Variants in GAS2 observed in about 807,000 individuals in gnomAD.
GAS2 encodes the protein growth arrest-specific protein 2.
GAS2 carries 20 observed loss-of-function variants against 37.5 expected under a neutral mutation model. The observed-to-expected ratio is 0.53, with a 90% CI of 0.37 to 0.77. The LOEUF (loss-of-function observed/expected upper bound fraction) is 0.77, where lower values mean the gene tolerates loss of function less well. GAS2 is among the 30% of genes least tolerant of loss of function. The probability of loss-of-function intolerance (pLI) is 0.00; values close to 1 mark genes in which losing one functional copy is unlikely to be tolerated. For synonymous variants in GAS2, 144 were observed against 132.2 expected, an observed-to-expected ratio of 1.09 and a Z score of -0.61; for missense variants, 336 against 373.4, an observed-to-expected ratio of 0.90 and a Z score of 0.82.
At chr11:22,738,983 C>T (rs745585926) in intron 5 of GAS2, among the ~76,000 whole-genome samples, 3 of 152,176 alleles carry the variant, frequency 2.0e-5, no homozygotes, top group Non-Finnish European at 4.4e-5. Flanking sequence ...ATTTACCCCA[C>T]ACTCTTCCCA....
chr11:22,759,939 A>G (rs1395486800), intron 7 of GAS2, among the ~76,000 whole-genome samples: 3 of 152,106 alleles, frequency 2.0e-5, no homozygotes, highest in African/African-American at 7.2e-5. Context: ...TCTTAGATGC[A>G]ATAATAATGT....
At position 22,655,065 on chromosome 11, in the gene GAS2, CCT is replaced by C. The variant is rs3830401; in HGVS notation, c.-20-19775_-20-19774del. Among the ~76,000 whole-genome samples the C allele has an allele frequency of 1.6e-4, 24 of 152,190 alleles. No homozygotes were observed. In the East Asian group the frequency reaches 4.6e-3, roughly 29 times the overall value. On this transcript the variant is annotated intron_variant, in intron 1 of 5. Transcript: ENST00000528582. Reference sequence around the variant, plus strand: ...ACCACCTTAAACCTGATCAGAGCCTCCTCTCTCTCTCCCTACTGCCCTTCATG... The same window carrying C: ...ACCACCTTAAACCTGATCAGAGCCTCCTCTCTCTCCCTACTGCCCTTCATG...
intron 5 of GAS2, 71 bp downstream of exon 5, chr11:22,737,839 G>A (rs1215444840): frequency 2.0e-5 from 27 of 1,360,428 alleles, no homozygotes; most frequent in Non-Finnish European, 2.6e-5. Context: ...GAAGCTTGCT[G>A]GCTTTTCATT....
At chr11:22,692,394 C>T (rs1850289442) in intron 3 of GAS2, among the ~76,000 whole-genome samples, 1 of 152,078 alleles carries the variant, frequency 6.6e-6, no homozygotes, top group African/African-American at 2.4e-5. Context: ...ATGACATGTG[C>T]CCAAGGTGGT....
intron 7 of GAS2, among the ~76,000 whole-genome samples, chr11:22,795,724 C>G (rs1856396626): frequency 6.6e-6 from 1 of 152,052 alleles, no homozygotes. Context: ...AGTTTACACC[C>G]AGGGAAATGG....
intron 2 of GAS2, among the ~76,000 whole-genome samples, chr11:22,685,087 C>T (rs768401187): frequency 4.6e-5 from 7 of 152,052 alleles, no homozygotes; most frequent in Non-Finnish European, 1.0e-4. Flanking sequence ...ATTGCTTGAG[C>T]CCAAGGAGCT....
chr11:22,716,481 A>G (rs371190679), intron 3 of GAS2, among the ~76,000 whole-genome samples: 1 of 151,986 alleles, frequency 6.6e-6, no homozygotes, highest in South Asian at 2.1e-4. Context: ...CTCAACTAAA[A>G]ATTCAAAATT....
chr11:22,691,490 G>A (rs1305463755), intron 3 of GAS2, among the ~76,000 whole-genome samples: 3 of 152,132 alleles, frequency 2.0e-5, no homozygotes, highest in African/African-American at 7.2e-5. Context: ...TATGGTAGAT[G>A]CAATAAAAGG....
chr11:22,705,544 G>A (rs545807235), intron 3 of GAS2, among the ~76,000 whole-genome samples: 1 of 152,208 alleles, frequency 6.6e-6, no homozygotes, highest in Non-Finnish European at 1.5e-5. Context: ...GTCTAGTTAG[G>A]TACATAAAAT....
intron 3 of GAS2, among the ~76,000 whole-genome samples, chr11:22,722,009 A>T (rs751870279): frequency 2.0e-5 from 3 of 151,954 alleles, no homozygotes; most frequent in Non-Finnish European, 4.4e-5. Context: ...TGTTTTATGA[A>T]CATCGTATAG....
At chr11:22,680,428 T>A (rs1849624684) in intron 2 of GAS2, among the ~76,000 whole-genome samples, 1 of 152,096 alleles carries the variant, frequency 6.6e-6, no homozygotes, top group Non-Finnish European at 1.5e-5. Flanking sequence ...AACTTGAAAC[T>A]TTTGTCTCAA....
intron 7 of GAS2, among the ~76,000 whole-genome samples, chr11:22,756,824 T>C (rs1854069154): frequency 6.6e-6 from 1 of 152,172 alleles, no homozygotes; most frequent in Non-Finnish European, 1.5e-5. Flanking sequence ...TGTGTTATTA[T>C]TGGAGTATGA....
intron 5 of GAS2, among the ~76,000 whole-genome samples, chr11:22,739,280 G>A (rs1590074286): frequency 6.6e-6 from 1 of 152,078 alleles, no homozygotes; most frequent in Non-Finnish European, 1.5e-5. Context: ...TATTGCTTAA[G>A]AAAGGGGAAG....
intron 7 of GAS2, among the ~76,000 whole-genome samples, chr11:22,801,461 T>TA (rs397818852): frequency 6.6e-6 from 1 of 150,450 alleles, no homozygotes; most frequent in Non-Finnish European, 1.5e-5. Context: ...TTTTTTTTTT[T>TA]ATTATTTAAT....
intron 1 of GAS2, among the ~76,000 whole-genome samples, chr11:22,651,370 G>A (rs1410423581): frequency 6.6e-6 from 1 of 152,118 alleles, no homozygotes; most frequent in African/African-American, 2.4e-5. Flanking sequence ...TTCATTTCAA[G>A]TTTGGTGAAT....
chr11:22,692,848 A>G (rs1026273279), intron 3 of GAS2, among the ~76,000 whole-genome samples: 4 of 152,168 alleles, frequency 2.6e-5, no homozygotes, highest in Non-Finnish European at 4.4e-5. Context: ...ATGTTTCATG[A>G]TTACTGGTTC....
intron 7 of GAS2, among the ~76,000 whole-genome samples, chr11:22,801,024 TG>T (rs143921475): frequency 0.041 from 6,274 of 152,146 alleles, 475 homozygotes; most frequent in African/African-American, 0.14. Flanking sequence ...GTGATCTACA[TG>T]AATGTAGACT....
chr11:22,746,456 A>G (rs1350997665), intron 5 of GAS2, among the ~76,000 whole-genome samples: 1 of 152,218 alleles, frequency 6.6e-6, no homozygotes, highest in Non-Finnish European at 1.5e-5. Context: ...TGTGGAATCA[A>G]TCTAATTGCC....
chr11:22,683,727 A>C (rs1424905787), intron 2 of GAS2, among the ~76,000 whole-genome samples: 1 of 152,018 alleles, frequency 6.6e-6, no homozygotes, highest in Non-Finnish European at 1.5e-5. Context: ...TGTTTTCTCA[A>C]AGTTTTCTAG....
Sources: allele counts gnomAD v4.1 joint callset (sites outside exome capture counted in the v4.1 genomes callset), GRCh38; gene constraint gnomAD v4.1.1; transcripts MANE v1.5; gene names NCBI Gene and HGNC (gene_info 2026-07-23, HGNC 2026-07-21).